Variants in LAMP3 observed in about 807,000 individuals in gnomAD.
LAMP3 encodes lysosome associated membrane protein 3.
A neutral mutation model predicts 34.8 loss-of-function variants in LAMP3; 26 were observed. The ratio of observed to expected loss-of-function variants is 0.75; its 90% CI spans 0.55 to 1.04. LAMP3 has a LOEUF of 1.04. Among genes scored for constraint, LAMP3 ranks in the 50% least tolerant of loss-of-function variants. The probability of loss-of-function intolerance (pLI) is 0.00; values close to 1 mark genes in which losing one functional copy is unlikely to be tolerated. For missense variants in LAMP3, 495 were observed against 524.0 expected, an observed-to-expected ratio of 0.94 and a Z score of 0.54; for synonymous variants, 180 against 201.9, an observed-to-expected ratio of 0.89 and a Z score of 0.92.
chr3:183,140,170 A>T (rs1463000523), intron 4 of LAMP3, among the ~76,000 whole-genome samples: 1 of 151,900 alleles, frequency 6.6e-6, no homozygotes, highest in Non-Finnish European at 1.5e-5. Context: ...ACTGTGTGAG[A>T]CTGAGGTGGG....
intron 1 of LAMP3, 70 bp from the exon 2 acceptor site, chr3:183,154,461 A>C (rs1443218243): frequency 8.5e-7 from 1 of 1,176,430 alleles, no homozygotes; most frequent in Non-Finnish European, 1.2e-6. Context: ...TCCCATCCCC[A>C]TCTTAATGTC....
At chr3:183,140,442 A>G in intron 4 of LAMP3, 96 bp downstream of exon 4, 1 of 473,642 alleles carries the variant, frequency 2.1e-6, no homozygotes, top group South Asian at 2.4e-5. Flanking sequence ...AAAAAAAAGC[A>G]GCATCAAACA....
intron 4 of LAMP3, 73 bp downstream of exon 4, chr3:183,140,465 A>G (rs1043483089): frequency 1.4e-5 from 10 of 701,054 alleles, no homozygotes; most frequent in Middle Eastern, 2.8e-4. Context: ...AGAAGATTCA[A>G]TGGGATGAAA....
chr3:183,146,677 G>A (rs953180813), intron 3 of LAMP3, among the ~76,000 whole-genome samples: 20 of 151,660 alleles, frequency 1.3e-4, no homozygotes, highest in Non-Finnish European at 2.1e-4. Flanking sequence ...ACAGGAATGC[G>A]CCACCACGTC....
chr3:183,136,714 G>A (rs1560306378), intron 4 of LAMP3, among the ~76,000 whole-genome samples: 2 of 147,252 alleles, frequency 1.4e-5, no homozygotes, highest in Admixed American at 1.4e-4. Context: ...CAGAAACAGA[G>A]AGAAGGGAGA....
rs144987936 is a variant in LAMP3 at position 183,130,798 on chromosome 3, C to G, written c.1117+4919G>C. 2.6e-5 allele frequency among the ~76,000 whole-genome samples: 4 copies of G among 152,320 alleles called. No homozygotes were observed. In the East Asian group the frequency reaches 7.7e-4, roughly 29 times the overall value. On this transcript the variant is annotated intron_variant, in intron 5 of 5. Transcript: ENST00000265598. ...TCCCAGTCTTCCTGGGAGCCATTTT[C>G]ACTACCCTAGGTTGGAAAACGAAGA...
chr3:183,123,907 G>A lies in LAMP3; in HGVS notation c.*174C>T. On this transcript the variant is annotated 3_prime_UTR_variant, in exon 6 of 6. Transcript: ENST00000265598. Reference sequence around the variant, plus strand: ...TCATAAAATAAACAAAAAGTATTTAGAAATTGATGTGCTGCCTGAACTTAA... The same window carrying A: ...TCATAAAATAAACAAAAAGTATTTAAAAATTGATGTGCTGCCTGAACTTAA... 1 of 607,850 alleles carries A rather than the reference G, an allele frequency of 1.6e-6. No homozygotes were observed. Among genetic ancestry groups the A allele is most frequent in the Non-Finnish European group, 2.8e-6 (1 of 354,518 alleles). 37.7% of individuals were successfully genotyped at this position (607,850 alleles called of 1,614,324 possible).
intron 3 of LAMP3, among the ~76,000 whole-genome samples, chr3:183,145,620 C>T (rs1191664079): frequency 2.0e-5 from 3 of 152,122 alleles, no homozygotes; most frequent in African/African-American, 4.8e-5. Context: ...TTTGGGAGGC[C>T]GAGGTTGGGC....
intron 4 of LAMP3, among the ~76,000 whole-genome samples, chr3:183,138,826 A>C: frequency 6.6e-6 from 1 of 151,968 alleles, no homozygotes; most frequent in South Asian, 2.1e-4. Context: ...CCTCGACCTC[A>C]CCTGCTGCTT....
rs1472590346 is a variant in LAMP3, at chr3:183,122,739, G to T, written c.*1342C>A. Reference sequence around the variant, plus strand: ...GGATTTATTAAGGATAGGCTATTTTGTTATCTGCAAAGCTCTCCTTTCATC... The same window carrying T: ...GGATTTATTAAGGATAGGCTATTTTTTTATCTGCAAAGCTCTCCTTTCATC... On this transcript the variant is annotated 3_prime_UTR_variant, in exon 6 of 6. Coordinates refer to ENST00000265598, the MANE Select transcript of LAMP3 (RefSeq NM_014398.4). 2.0e-5 allele frequency: 3 copies of T among 152,192 alleles called. No individual in the cohort carries two copies. Among genetic ancestry groups the T allele is most frequent in the Non-Finnish European group, 4.4e-5 (3 of 68,028 alleles). The allele number at this position is 152,192 out of a possible 1,614,324, so 9.4% of individuals were successfully genotyped here. A position where few individuals can be genotyped will look rare whatever the true frequency, so the allele number is the denominator to read the frequency against.
At chr3:183,145,973 A>C (rs1392402489) in intron 3 of LAMP3, among the ~76,000 whole-genome samples, 1 of 152,232 alleles carries the variant, frequency 6.6e-6, no homozygotes. Context: ...GGTGCTCAGT[A>C]AATTCTTACT....
At chr3:183,150,598 G>A (rs909654900) in intron 3 of LAMP3, among the ~76,000 whole-genome samples, 1 of 135,042 alleles carries the variant, frequency 7.4e-6, no homozygotes, top group Non-Finnish European at 1.5e-5. Flanking sequence ...GGAGAGCAGT[G>A]GTGCAATCAT....
At chr3:183,142,470 C>T (rs73886244) in intron 3 of LAMP3, among the ~76,000 whole-genome samples, 4,984 of 152,040 alleles carry the variant, frequency 0.033, 282 homozygotes, top group African/African-American at 0.11. Context: ...TTTCAGAATT[C>T]GCCACGTGCA....
rs117087835 is a variant in LAMP3 at position 183,148,780 on chromosome 3, G to T, written c.888+3595C>A. On this transcript the variant is annotated intron_variant, in intron 3 of 5. Transcript: ENST00000265598. ...ATTAGTAGAACCAAGATGGAGAAAA[G>T]TTTGGATCCTCAAAAAACTAAAAAC... is the stretch of plus-strand genomic sequence containing the variant. Among the ~76,000 whole-genome samples the T allele has an allele frequency of 5.4e-4, 82 of 152,300 alleles. No individual in the cohort carries two copies. In the East Asian group the frequency reaches 0.011, roughly 21 times the overall value.
Position 183,122,806 on chromosome 3 carries a change from T to C in LAMP3, c.*1275A>G, listed in dbSNP as rs946912811. ...GATCCTGGATAAACCCATTTCCCTG[T>C]AAGGTGAGCGTATGCTGGTATGAGG... On this transcript the variant is annotated 3_prime_UTR_variant, in exon 6 of 6. Transcript: ENST00000265598. The C allele has an allele frequency of 3.9e-5, 6 of 152,210 alleles. No homozygotes were observed. The highest frequency in any genetic ancestry group is 1.5e-5 in the Non-Finnish European group (1 of 68,042). 9.4% of individuals were successfully genotyped at this position (152,210 alleles called of 1,614,324 possible).
chr3:183,162,656 G>T lies in LAMP3; in HGVS notation c.-1C>A. On this transcript the variant is annotated 5_prime_UTR_variant, in exon 1 of 6. Transcript: ENST00000265598. ...CCGCCGCGCTGAGCTGCCGGGGCAT[G>T]GTGGGCGCTGGGCGAGGTTCTGCAG... The T allele has an allele frequency of 6.5e-7, 1 of 1,538,516 alleles. No homozygotes were observed. Among genetic ancestry groups the T allele is most frequent in the South Asian group, 1.2e-5 (1 of 83,390 alleles).
At chr3:183,162,753 C>T, upstream of LAMP3, 7 of 1,172,844 alleles carry the variant, frequency 6.0e-6, no homozygotes, top group Non-Finnish European at 8.0e-6. Context: ...AACGAAACCA[C>T]CTGCTTATGA....
At chr3:183,163,515 C>G (rs1185507006), upstream of LAMP3, 1 of 152,280 alleles carries the variant, frequency 6.6e-6, no homozygotes, top group East Asian at 1.9e-4. Context: ...GTCTCGATCT[C>G]CTGACCTTGT....
chr3:183,132,954 C>T lies in LAMP3; in HGVS notation c.1117+2763G>A, dbSNP rs1719971627. ...CTGTTTCTGTCACTGAAGCATTCAT[C>T]CGCTGTAATTGAAGTCAGAGTAACA... is the stretch of plus-strand genomic sequence containing the variant. On this transcript the variant is annotated intron_variant, in intron 5 of 5. Coordinates refer to ENST00000265598, the MANE Select transcript of LAMP3 (RefSeq NM_014398.4). 1.2e-5 allele frequency: 12 copies of T among 985,154 alleles called. No homozygotes were observed. In the South Asian group the frequency reaches 4.7e-4, roughly 39 times the overall value. 61.0% of individuals were successfully genotyped at this position (985,154 alleles called of 1,614,324 possible). A position where few individuals can be genotyped will look rare whatever the true frequency, so the allele number is the denominator to read the frequency against.
Sources: allele counts gnomAD v4.1 joint callset (sites outside exome capture counted in the v4.1 genomes callset), GRCh38; gene constraint gnomAD v4.1.1; transcripts MANE v1.5; gene names NCBI Gene and HGNC (gene_info 2026-07-23, HGNC 2026-07-21).